The following LRGUK variants were observed in gnomAD, a reference collection of about 807,000 sequenced individuals.
The protein encoded by LRGUK is leucine rich repeats and guanylate kinase domain containing, also known as leucine-rich repeat and guanylate kinase domain-containing protein.
A neutral mutation model predicts 76.0 loss-of-function variants in LRGUK; 65 were observed. The ratio of observed to expected loss-of-function variants is 0.85; its 90% confidence interval spans 0.70 to 1.05. LRGUK has a LOEUF of 1.05. Among genes scored for constraint, LRGUK ranks in the 50% least tolerant of loss-of-function variants. The probability of loss-of-function intolerance (pLI) is 0.00; values close to 1 mark genes in which losing one functional copy is unlikely to be tolerated. For synonymous variants in LRGUK, 268 were observed against 265.6 expected (o/e 1.01, Z -0.09); for missense variants, 758 against 732.8 (o/e 1.03, Z -0.40).
intron 2 of LRGUK, among the ~76,000 whole-genome samples, chr7:134,137,392 A>G (rs1416311511): frequency 6.6e-6 from 1 of 152,184 alleles, no homozygotes; most frequent in East Asian, 1.9e-4. Flanking sequence ...TATTATAGTA[A>G]TCAATGCTTT....
chr7:134,222,823 C>T (rs1801635694), intron 16 of LRGUK, among the ~76,000 whole-genome samples: 1 of 152,004 alleles, frequency 6.6e-6, no homozygotes, highest in Non-Finnish European at 1.5e-5. Context: ...GTGAGGCTCT[C>T]CCAACCTCAG....
chr7:134,155,175 C>A (rs769526395), intron 5 of LRGUK, among the ~76,000 whole-genome samples: 2 of 152,110 alleles, frequency 1.3e-5, no homozygotes, highest in Non-Finnish European at 2.9e-5. Context: ...TTTTTGTTGC[C>A]AAAGATTGCC....
At chr7:134,241,993 T>C (rs949122552) in intron 16 of LRGUK, among the ~76,000 whole-genome samples, 1 of 152,204 alleles carries the variant, frequency 6.6e-6, no homozygotes, top group Non-Finnish European at 1.5e-5. Flanking sequence ...AATAAAGATG[T>C]TCTTTGAAAC....
intron 5 of LRGUK, among the ~76,000 whole-genome samples, chr7:134,157,596 C>G (rs898264860): frequency 6.6e-6 from 1 of 152,242 alleles, no homozygotes; most frequent in African/African-American, 2.4e-5. Flanking sequence ...GATCTCTGCT[C>G]ATTGCAAGCT....
exon 16 of LRGUK, chr7:134,209,054 A>G: frequency 2.5e-6 from 1 of 399,222 alleles, no homozygotes; most frequent in Non-Finnish European, 4.4e-6. Context: ...CCTAAAACAA[A>G]TAGCCACTGA....
chr7:134,242,285 A>G (rs1802178370), intron 16 of LRGUK, among the ~76,000 whole-genome samples: 1 of 152,230 alleles, frequency 6.6e-6, no homozygotes, highest in African/African-American at 2.4e-5. Flanking sequence ...GAAAGGATCA[A>G]CAAAATTGAT....
At chr7:134,215,861 A>G (rs917199642) in intron 15 of LRGUK, among the ~76,000 whole-genome samples, 4 of 152,208 alleles carry the variant, frequency 2.6e-5, no homozygotes, top group Non-Finnish European at 5.9e-5. Flanking sequence ...AGAAGGGCCT[A>G]ACCATTTCTT....
intron 6 of LRGUK, among the ~76,000 whole-genome samples, chr7:134,159,336 C>CAAA (rs35701399): frequency 1.2e-5 from 1 of 81,488 alleles, no homozygotes; most frequent in African/African-American, 4.1e-5. Context: ...GACCCTGCCT[C>CAAA]AAAAAAAAAA....
At position 134,129,635 on chromosome 7, in the gene LRGUK, G is replaced by A. The variant is rs186368443; in HGVS notation, c.297+1971G>A. Among the ~76,000 whole-genome samples, 3 of 150,968 alleles carry A rather than the reference G, an allele frequency of 2.0e-5. No homozygotes were observed. The East Asian group carries it at 5.9e-4, about 30-fold the overall frequency. ...CTACAGGTGTACACCAAAGCACCTG[G>A]CTAGTTCTTGTAATTTTTGTAAGAG... On this transcript the variant is annotated intron_variant, in intron 1 of 15. Coordinates refer to ENST00000645682, the Ensembl canonical transcript of LRGUK.
At chr7:134,140,192 A>C (rs535149140) in intron 3 of LRGUK, among the ~76,000 whole-genome samples, 18 of 151,974 alleles carry the variant, frequency 1.2e-4, no homozygotes, top group Admixed American at 7.2e-4. Flanking sequence ...ATGGTCTGGA[A>C]CTCCTGACTT....
intron 12 of LRGUK, among the ~76,000 whole-genome samples, chr7:134,196,684 G>T (rs1179073082): frequency 6.6e-6 from 1 of 152,154 alleles, no homozygotes; most frequent in African/African-American, 2.4e-5. Flanking sequence ...TGCGGGTTTG[G>T]CAGGAAGTGG....
Position 134,199,245 on chromosome 7 carries a change from A to G in LRGUK, c.1571A>G (p.Tyr524Cys), listed in dbSNP as rs756640519. The change falls in exon 14 of 16, where the codon TAT becomes TGT. Residue 524 changes from tyrosine (Y) to cysteine (C), a missense_variant. By Grantham distance (194) the Tyr-to-Cys change is radical (BLOSUM62 -2). Coordinates refer to ENST00000645682, the Ensembl canonical transcript of LRGUK. ...GGTGTAAGAAGTTTGAAATATTCCT[A>G]TTTTGAGCCTCGTTATATCCTGGTG... is the stretch of plus-strand genomic sequence containing the variant. The G allele has an allele frequency of 1.5e-5, 25 of 1,613,710 alleles. No homozygotes were observed. The highest frequency in any genetic ancestry group is 5.3e-5 in the African/African-American group (4 of 74,896).
At chr7:134,133,726 G>A (rs79411674) in intron 1 of LRGUK, among the ~76,000 whole-genome samples, 2,905 of 152,220 alleles carry the variant, frequency 0.019, 93 homozygotes, top group African/African-American at 0.061. Flanking sequence ...GTTGCAACCA[G>A]GGAACAAGGA....
At chr7:134,212,131 G>A (rs963082323), downstream of LRGUK, among the ~76,000 whole-genome samples, 2 of 152,206 alleles carry the variant, frequency 1.3e-5, no homozygotes, top group Non-Finnish European at 2.9e-5. Context: ...TAATTTGAAT[G>A]AATGTTCATT....
downstream of LRGUK, among the ~76,000 whole-genome samples, chr7:134,265,716 G>A (rs1802842783): frequency 6.6e-6 from 1 of 152,178 alleles, no homozygotes; most frequent in Non-Finnish European, 1.5e-5. Flanking sequence ...AGAAGGTGTT[G>A]TGGACAGCCA....
chr7:134,136,424 A>C (rs917518238), intron 1 of LRGUK, among the ~76,000 whole-genome samples: 3 of 152,218 alleles, frequency 2.0e-5, no homozygotes, highest in Non-Finnish European at 4.4e-5. Context: ...AGAATACCAG[A>C]TTTAGAGAGA....
chr7:134,248,876 G>T (rs1802373656), intron 17 of LRGUK, 75 bp from the exon 18 acceptor site: 3 of 1,167,312 alleles, frequency 2.6e-6, no homozygotes. Context: ...GGGATATTTA[G>T]GTATACATGT....
At chr7:134,198,733 G>T (rs998783584) in intron 13 of LRGUK, among the ~76,000 whole-genome samples, 4 of 152,118 alleles carry the variant, frequency 2.6e-5, no homozygotes, top group Non-Finnish European at 5.9e-5. Context: ...TGCAGGTGAC[G>T]AGGAGCTTGG....
chr7:134,231,745 G>T (rs13226377), intron 16 of LRGUK, among the ~76,000 whole-genome samples: 6 of 50,840 alleles, frequency 1.2e-4, no homozygotes, highest in Non-Finnish European at 1.9e-4. Flanking sequence ...CCTTCCTCCC[G>T]TTCTCCCTCT....
Sources: allele counts gnomAD v4.1 joint callset (sites outside exome capture counted in the v4.1 genomes callset), GRCh38; gene constraint gnomAD v4.1.1; transcripts MANE v1.5; gene names NCBI Gene and HGNC (gene_info 2026-07-23, HGNC 2026-07-21).